Variants in CCDC3 observed in about 807,000 individuals in gnomAD.
The protein encoded by CCDC3 is coiled-coil domain containing 3.
A neutral mutation model predicts 21.4 loss-of-function variants in CCDC3; 24 were observed. The observed-to-expected ratio is 1.12, with a 90% CI of 0.81 to 1.58. CCDC3 has a LOEUF of 1.58. CCDC3 is among the 40% of genes most tolerant of loss of function. The pLI is 0.00. For missense variants in CCDC3, 425 were observed against 360.9 expected, an observed-to-expected ratio of 1.18 and a Z score of -1.44; for synonymous variants, 186 against 166.0, an observed-to-expected ratio of 1.12 and a Z score of -0.93.
intron 2 of CCDC3, among the ~76,000 whole-genome samples, chr10:12,931,192 C>G (rs565747242): frequency 9.0e-6 from 1 of 111,530 alleles, no homozygotes; most frequent in East Asian, 2.6e-4. Context: ...GCCTGGGCCA[C>G]AGAGCAAGAC....
intron 5 of CCDC3, among the ~76,000 whole-genome samples, chr10:13,045,181 T>C (rs1259423523): frequency 6.6e-6 from 1 of 152,246 alleles, no homozygotes; most frequent in Non-Finnish European, 1.5e-5. Context: ...AATTCTTTTA[T>C]TGACCACTCA....
chr10:12,898,962 G>A (rs1352251265), intron 2 of CCDC3, among the ~76,000 whole-genome samples: 6 of 152,140 alleles, frequency 3.9e-5, no homozygotes, highest in Non-Finnish European at 5.9e-5. Context: ...TTTGTCATGC[G>A]TAGCAAAAAG....
intron 2 of CCDC3, among the ~76,000 whole-genome samples, chr10:12,905,803 T>C (rs1834161932): frequency 6.6e-6 from 1 of 152,196 alleles, no homozygotes; most frequent in Non-Finnish European, 1.5e-5. Flanking sequence ...CTTGGGAACA[T>C]CAACTGTCAG....
chr10:13,038,547 A>T (rs188803868), intron 5 of CCDC3, among the ~76,000 whole-genome samples: 37 of 152,268 alleles, frequency 2.4e-4, no homozygotes, highest in African/African-American at 8.7e-4. Flanking sequence ...ATCACAGACA[A>T]ATATATAGGA....
In CCDC3 at chr10:13,061,576, A is replaced by G. The variant is rs546426289; in HGVS notation, c.-269-11635T>C. Among the ~76,000 whole-genome samples, 32 of 152,320 alleles carry G rather than the reference A, an allele frequency of 2.1e-4. No homozygotes were observed. In the South Asian group the frequency reaches 6.6e-3, roughly 32 times the overall value. On this transcript the variant is annotated intron_variant, in intron 4 of 6. Transcript: ENST00000378839. Reference sequence around the variant, plus strand: ...GATGGTCAGGGTGCAGCTCGGTTTTATACATTCTAGGGAGGCATGAGACAT... The same window carrying G: ...GATGGTCAGGGTGCAGCTCGGTTTTGTACATTCTAGGGAGGCATGAGACAT...
At chr10:13,038,036 T>G (rs561824367) in intron 5 of CCDC3, among the ~76,000 whole-genome samples, 5 of 152,012 alleles carry the variant, frequency 3.3e-5, no homozygotes, top group Non-Finnish European at 5.9e-5. Flanking sequence ...TATGCAGCCA[T>G]GAAAAGGAGC....
Position 12,989,689 on chromosome 10 carries a change from T to G in CCDC3, c.549+8649A>C, listed in dbSNP as rs574819863. Among the ~76,000 whole-genome samples, 179 of 152,258 alleles carry G rather than the reference T, an allele frequency of 1.2e-3. 1 individual carries two copies. The highest frequency in any genetic ancestry group is 4.1e-3 in the African/African-American group (172 of 41,550). On this transcript the variant is annotated intron_variant, in intron 2 of 2. Transcript: ENST00000378825. ...AGCCCACCTCAGTCTCCCAAAGTGTTGGGATTACAGGCGTGAGCCACTGCA... is the reference window on the plus strand; with the variant it reads ...AGCCCACCTCAGTCTCCCAAAGTGTGGGGATTACAGGCGTGAGCCACTGCA...
At chr10:12,900,819 C>T (rs550927356) in intron 2 of CCDC3, among the ~76,000 whole-genome samples, 74 of 152,122 alleles carry the variant, frequency 4.9e-4, no homozygotes, top group African/African-American at 1.6e-3. Context: ...CTTCCACTGA[C>T]GAGTGACCTG....
chr10:13,087,934 C>T (rs1837131885), intron 3 of CCDC3, among the ~76,000 whole-genome samples: 1 of 152,168 alleles, frequency 6.6e-6, no homozygotes, highest in Non-Finnish European at 1.5e-5. Flanking sequence ...GATAGCATTG[C>T]AAGCTGAGGA....
chr10:12,930,788 C>A (rs1426171774), intron 2 of CCDC3, among the ~76,000 whole-genome samples: 1 of 152,212 alleles, frequency 6.6e-6, no homozygotes. Flanking sequence ...GAATCACCCA[C>A]TCCCAAACAT....
In CCDC3 at chr10:13,001,190, G is replaced by T; in HGVS notation, c.374+7C>A. ...GAGAGAGGTGGCGGCGGCGCCGCCGGGCTCACCTGAGGAAGAAGAAATAGG... is the reference window on the plus strand; with the variant it reads ...GAGAGAGGTGGCGGCGGCGCCGCCGTGCTCACCTGAGGAAGAAGAAATAGG... On this transcript the variant is annotated splice_region_variant and intron_variant, in intron 1 of 2. Transcript: ENST00000378825. 6.5e-7 allele frequency: 1 copy of T among 1,547,864 alleles called. No homozygotes were observed. The highest frequency in any genetic ancestry group is 2.5e-5 in the East Asian group (1 of 40,436).
At chr10:13,063,658 T>G (rs17152794) in intron 4 of CCDC3, among the ~76,000 whole-genome samples, 4,598 of 152,274 alleles carry the variant, frequency 0.03, 244 homozygotes, top group African/African-American at 0.1. Flanking sequence ...CAGAGTCTGT[T>G]CCACCAGATG....
At chr10:12,982,151 A>T (rs1175892277) in intron 2 of CCDC3, among the ~76,000 whole-genome samples, 1 of 127,676 alleles carries the variant, frequency 7.8e-6, no homozygotes, top group African/African-American at 2.8e-5. Flanking sequence ...AAAAAAAAAA[A>T]GTGAGCTACC....
At chr10:13,048,431 A>G (rs1436045665) in intron 5 of CCDC3, among the ~76,000 whole-genome samples, 1 of 152,046 alleles carries the variant, frequency 6.6e-6, no homozygotes, top group Non-Finnish European at 1.5e-5. Context: ...TGACCTTGTG[A>G]TCTGCCCACC....
chr10:13,072,318 CCT>C (rs1836893480), intron 4 of CCDC3, among the ~76,000 whole-genome samples: 1 of 152,136 alleles, frequency 6.6e-6, no homozygotes, highest in African/African-American at 2.4e-5. Context: ...AACAGTGCCC[CCT>C]GTTAGCAGAA....
chr10:13,057,976 G>A, intron 4 of CCDC3: 4 of 651,806 alleles, frequency 6.1e-6, no homozygotes, highest in Non-Finnish European at 1.1e-5. Context: ...CCTCCATCAT[G>A]TCTGGAGTTA....
chr10:12,969,647 T>C (rs1461835566), intron 2 of CCDC3, among the ~76,000 whole-genome samples: 3 of 150,408 alleles, frequency 2.0e-5, no homozygotes, highest in South Asian at 2.1e-4. Context: ...ATAATATATA[T>C]GGTAGGATAT....
chr10:13,022,845 G>T (rs1461104080), intron 5 of CCDC3, among the ~76,000 whole-genome samples: 1 of 152,134 alleles, frequency 6.6e-6, no homozygotes, highest in African/African-American at 2.4e-5. Context: ...TATAAATATT[G>T]CAAGAGATGC....
rs1006402143 is a variant in CCDC3 at position 13,084,689 on chromosome 10, G to A, written c.-502-10589C>T. On this transcript the variant is annotated intron_variant, in intron 3 of 6. Coordinates refer to the CCDC3 transcript ENST00000378839. ...ATAACCCTCTCTTGGGGTCTAGATC[G>A]GGACTCCTTTCCAGTAACATTGTGA... 7.6e-4 allele frequency among the ~76,000 whole-genome samples: 115 copies of A among 152,112 alleles called. 1 individual carries two copies. Among genetic ancestry groups the A allele is most frequent in the African/African-American group, 2.5e-3 (103 of 41,422 alleles).
Sources: allele counts gnomAD v4.1 joint callset (sites outside exome capture counted in the v4.1 genomes callset), GRCh38; gene constraint gnomAD v4.1.1; transcripts MANE v1.5; gene names NCBI Gene and HGNC (gene_info 2026-07-23, HGNC 2026-07-21).